PTPRD: variants seen among roughly 807,000 people sequenced by gnomAD.
PTPRD encodes receptor-type tyrosine-protein phosphatase delta.
Under a neutral mutation model 214.5 loss-of-function variants are expected in PTPRD, and 34 were observed. The ratio of observed to expected loss-of-function variants is 0.16; its 90% CI spans 0.12 to 0.21. The LOEUF is 0.21. Among genes scored for constraint, PTPRD ranks in the 10% least tolerant of loss-of-function variants. The pLI, the probability that PTPRD is intolerant of heterozygous loss-of-function variation, is 1.00. For missense variants in PTPRD, 2,545 were observed against 2,398.7 expected, an observed-to-expected ratio of 1.06 and a Z score of -1.27; for synonymous variants, 1,128 against 845.7, an observed-to-expected ratio of 1.33 and a Z score of -5.79.
chr9:9,709,786 A>G (rs927196915), intron 7 of PTPRD, among the ~76,000 whole-genome samples: 12 of 152,066 alleles, frequency 7.9e-5, no homozygotes, highest in African/African-American at 2.9e-4. Context: ...TTGATATAGT[A>G]GACGTCATTA....
At chr9:9,370,805 A>G (rs201264657) in intron 9 of PTPRD, among the ~76,000 whole-genome samples, 3 of 152,038 alleles carry the variant, frequency 2.0e-5, no homozygotes, top group Non-Finnish European at 4.4e-5. Flanking sequence ...TAATTTATTG[A>G]GAGTTTTTAG....
chr9:10,436,920 T>G (rs1210227162), intron 2 of PTPRD, among the ~76,000 whole-genome samples: 1 of 151,756 alleles, frequency 6.6e-6, no homozygotes, highest in Admixed American at 6.6e-5. Flanking sequence ...GTACTAAATG[T>G]AGATGCAAGA....
chr9:8,488,262 T>C (rs1228142168), intron 27 of PTPRD, among the ~76,000 whole-genome samples: 1 of 152,200 alleles, frequency 6.6e-6, no homozygotes, highest in East Asian at 1.9e-4. Context: ...CTAAGAAATA[T>C]CATTAAGATA....
intron 2 of PTPRD, among the ~76,000 whole-genome samples, chr9:10,353,983 T>C (rs2097224965): frequency 6.6e-6 from 1 of 151,560 alleles, no homozygotes; most frequent in Admixed American, 6.6e-5. Context: ...AAGAAAGACA[T>C]AAAGAATAAT....
chr9:10,232,978 T>G (rs1184134792), intron 3 of PTPRD, among the ~76,000 whole-genome samples: 5 of 152,144 alleles, frequency 3.3e-5, no homozygotes. Context: ...AAACCCTCAC[T>G]GGCATTCAAC....
intron 7 of PTPRD, among the ~76,000 whole-genome samples, chr9:9,596,881 A>G (rs775863321): frequency 6.6e-6 from 1 of 152,112 alleles, no homozygotes; most frequent in Non-Finnish European, 1.5e-5. Context: ...TCATTCACAG[A>G]TCACACAAAT....
chr9:8,640,955 A>T (rs2096563758), intron 12 of PTPRD, among the ~76,000 whole-genome samples: 1 of 148,786 alleles, frequency 6.7e-6, no homozygotes, highest in Non-Finnish European at 1.5e-5. Context: ...AGCCAGCCAA[A>T]GGAAAGATAT....
chr9:10,037,352 G>A (rs996369131), intron 3 of PTPRD, among the ~76,000 whole-genome samples: 1 of 151,964 alleles, frequency 6.6e-6, no homozygotes, highest in African/African-American at 2.4e-5. Flanking sequence ...TGTTGCAGCA[G>A]GAGTGAGTAA....
At chr9:10,317,079 C>G (rs1345409194) in intron 3 of PTPRD, among the ~76,000 whole-genome samples, 1 of 151,894 alleles carries the variant, frequency 6.6e-6, no homozygotes, top group Non-Finnish European at 1.5e-5. Context: ...TAATTCCGTA[C>G]ACAGTGGGTT....
intron 14 of PTPRD, among the ~76,000 whole-genome samples, chr9:8,631,497 T>C (rs1176904424): frequency 1.3e-5 from 2 of 151,800 alleles, no homozygotes; most frequent in Non-Finnish European, 2.9e-5. Context: ...ATCTGGATTA[T>C]CGGAATGTCT....
At chr9:9,621,024 G>A (rs2095212995) in intron 7 of PTPRD, among the ~76,000 whole-genome samples, 1 of 152,112 alleles carries the variant, frequency 6.6e-6, no homozygotes, top group African/African-American at 2.4e-5. Context: ...CCTTGTGTTG[G>A]TGTCTCTGGG....
intron 3 of PTPRD, among the ~76,000 whole-genome samples, chr9:10,126,222 C>T (rs1290214060): frequency 6.6e-6 from 1 of 152,022 alleles, no homozygotes; most frequent in Non-Finnish European, 1.5e-5. Context: ...TTTCCTGACC[C>T]CCTTCTCTAC....
intron 7 of PTPRD, among the ~76,000 whole-genome samples, chr9:9,631,222 T>TAAAG (rs1231904436): frequency 9.0e-6 from 1 of 111,678 alleles, no homozygotes; most frequent in Admixed American, 8.9e-5. Context: ...AATAAATAAA[T>TAAAG]AAAAAGAAAA....
chr9:8,954,322 A>T (rs1235282424), intron 11 of PTPRD, among the ~76,000 whole-genome samples: 2 of 151,930 alleles, frequency 1.3e-5, no homozygotes, highest in Non-Finnish European at 2.9e-5. Flanking sequence ...AAAAAGGAGC[A>T]AAAGACGCTG....
chr9:10,312,363 C>T (rs1378007195), intron 3 of PTPRD, among the ~76,000 whole-genome samples: 2 of 151,942 alleles, frequency 1.3e-5, no homozygotes, highest in Non-Finnish European at 2.9e-5. Flanking sequence ...TAAGCACATA[C>T]ACAATTAAAT....
intron 10 of PTPRD, among the ~76,000 whole-genome samples, chr9:9,081,417 A>T (rs943899607): frequency 1.3e-5 from 2 of 152,078 alleles, no homozygotes; most frequent in African/African-American, 4.8e-5. Flanking sequence ...ACTTCCAATT[A>T]TGTGGTCAAT....
At chr9:8,661,790 C>T (rs2097060100) in intron 12 of PTPRD, among the ~76,000 whole-genome samples, 1 of 152,270 alleles carries the variant, frequency 6.6e-6, no homozygotes, top group South Asian at 2.1e-4. Context: ...GTGACCTATG[C>T]AGTTATAGTA....
At chr9:8,676,491 T>A (rs1270229198) in intron 12 of PTPRD, among the ~76,000 whole-genome samples, 1 of 150,464 alleles carries the variant, frequency 6.6e-6, no homozygotes, top group Non-Finnish European at 1.5e-5. Flanking sequence ...CAAGCAATTC[T>A]CATGCCCCAG....
At chr9:10,073,409 C>G (rs1056266589) in intron 3 of PTPRD, among the ~76,000 whole-genome samples, 2 of 152,052 alleles carry the variant, frequency 1.3e-5, no homozygotes, top group East Asian at 3.9e-4. Context: ...ATAAAGTTGT[C>G]TGTCACTGTC....
Sources: gnomAD v4.1 joint callset for allele counts (sites outside exome capture counted in the v4.1 genomes callset) on GRCh38, gnomAD v4.1.1 for gene constraint, MANE v1.5 for transcripts, NCBI Gene and HGNC (gene_info 2026-07-23, HGNC 2026-07-21) for gene names.